TASP1: variants seen among roughly 807,000 people sequenced by gnomAD.
TASP1 encodes the protein threonine aspartase 1.
A neutral mutation model predicts 56.6 loss-of-function variants in TASP1; 16 were observed. That is an observed-to-expected ratio of 0.28 (90% CI 0.19 to 0.43). TASP1 has a LOEUF of 0.43. TASP1 is among the 20% of genes least tolerant of loss of function. The probability of loss-of-function intolerance (pLI) is 1.00; values close to 1 mark genes in which losing one functional copy is unlikely to be tolerated. For synonymous variants in TASP1, 179 were observed against 184.2 expected, an observed-to-expected ratio of 0.97 and a Z score of 0.23; for missense variants, 393 against 511.6, an observed-to-expected ratio of 0.77 and a Z score of 2.24.
chr20:13,371,094 A>C, the TASP1 span, among the ~76,000 whole-genome samples: 1 of 151,976 alleles, frequency 6.6e-6, no homozygotes, highest in Non-Finnish European at 1.5e-5. Flanking sequence ...GTTTGTCAGT[A>C]TTATTGATCT....
chr20:13,305,539 G>A, the TASP1 span, among the ~76,000 whole-genome samples: 5,126 of 152,224 alleles, frequency 0.034, 87 homozygotes, highest in African/African-American at 0.046. Context: ...TGTGTGGGTC[G>A]TCCCATTATG....
At chr20:13,380,501 G>A in the TASP1 span, among the ~76,000 whole-genome samples, 8 of 152,136 alleles carry the variant, frequency 5.3e-5, no homozygotes, top group Non-Finnish European at 1.2e-4. Context: ...TCCTGTATGA[G>A]GTGTCTGTCA....
At position 13,450,091 on chromosome 20, in the gene TASP1, G is replaced by A. The variant is rs535923349; in HGVS notation, c.986-14937C>T. ...TTTTGGTTTCCCAGTGCATATGAAA[G>A]TTATGTTTACACTACTATACTATAA... On this transcript the variant is annotated intron_variant, in intron 11 of 13. Transcript: ENST00000337743. Among the ~76,000 whole-genome samples the A allele has an allele frequency of 2.0e-5, 3 of 152,212 alleles. No homozygotes were observed. The South Asian group carries it at 6.2e-4, about 32-fold the overall frequency.
At chr20:13,346,100 T>C in the TASP1 span, among the ~76,000 whole-genome samples, 8 of 152,040 alleles carry the variant, frequency 5.3e-5, no homozygotes, top group South Asian at 4.1e-4. Flanking sequence ...ACAGTGCTTT[T>C]TGGGGTCATG....
At chr20:13,391,947 G>A (rs1176867934) in intron 13 of TASP1, among the ~76,000 whole-genome samples, 1 of 141,502 alleles carries the variant, frequency 7.1e-6, no homozygotes, top group Non-Finnish European at 1.5e-5. Context: ...GAGCCTGGGC[G>A]ACAGAGCGAG....
chr20:13,204,528 C>CAT, the TASP1 span, among the ~76,000 whole-genome samples: 16,941 of 145,204 alleles, frequency 0.12, 1,284 homozygotes, highest in East Asian at 0.31. Context: ...TTTATATATT[C>CAT]ATATATATAT....
intron 4 of TASP1, among the ~76,000 whole-genome samples, chr20:13,610,369 AG>A (rs2048309079): frequency 6.6e-6 from 1 of 152,226 alleles, no homozygotes; most frequent in South Asian, 2.1e-4. Context: ...AATAGAGGTC[AG>A]GACCAGTGTT....
intron 13 of TASP1, among the ~76,000 whole-genome samples, chr20:13,404,151 G>A (rs1396602664): frequency 6.6e-6 from 1 of 152,060 alleles, no homozygotes; most frequent in Non-Finnish European, 1.5e-5. Context: ...AGTTGGGCCA[G>A]TTATTAAACT....
intron 8 of TASP1, among the ~76,000 whole-genome samples, chr20:13,555,253 G>A (rs959167979): frequency 3.3e-5 from 5 of 151,512 alleles, no homozygotes; most frequent in Non-Finnish European, 7.4e-5. Context: ...GCGTGGTGGC[G>A]GGCGCCTGTA....
rs190775561 is a variant in TASP1 at position 13,476,484 on chromosome 20, C to A, written c.985+6743G>T. Among the ~76,000 whole-genome samples the A allele has an allele frequency of 2.8e-3, 421 of 152,248 alleles. 1 individual carries two copies. Among genetic ancestry groups the A allele is most frequent in the African/African-American group, 9.5e-3 (393 of 41,552 alleles). On this transcript the variant is annotated intron_variant, in intron 11 of 13. Coordinates refer to ENST00000337743, the MANE Select transcript of TASP1 (RefSeq NM_017714.3). ...CCAGGATCTCCATTTCACAAAATTG[C>A]CCAGAATGCAAGTTCCTATATTTCC...
chr20:13,559,026 T>G lies in TASP1; in HGVS notation c.657A>C (p.Arg219Ser). The stretch of plus-strand genomic sequence containing the variant: ...ACCTGACCTTCTCACTTGATTGTCT[T>G]CTTTTCTTTAGTTGCATAAAATCTG... ...VDTDFMQLKK[R>S]RQSSEKENDS... The change falls in exon 8 of 14, where the codon AGA becomes AGC. Residue 219 changes from arginine (R) to serine (S), a missense_variant. Transcript: ENST00000337743. The G allele has an allele frequency of 6.3e-7, 1 of 1,592,208 alleles. No homozygotes were observed. Among genetic ancestry groups the G allele is most frequent in the Non-Finnish European group, 8.6e-7 (1 of 1,169,400 alleles).
the TASP1 span, among the ~76,000 whole-genome samples, chr20:13,130,224 C>T: frequency 2.0e-5 from 3 of 152,300 alleles, no homozygotes; most frequent in East Asian, 5.8e-4. Context: ...TTAGCTCACC[C>T]CTTTCTGCAG....
chr20:13,174,893 G>A, the TASP1 span, among the ~76,000 whole-genome samples: 2 of 152,024 alleles, frequency 1.3e-5, no homozygotes, highest in South Asian at 4.1e-4. Context: ...ATTGAATCAT[G>A]GGGGCAGTAC....
chr20:13,117,921 A>T, the TASP1 span, among the ~76,000 whole-genome samples: 3 of 152,182 alleles, frequency 2.0e-5, no homozygotes, highest in African/African-American at 7.2e-5. Context: ...AGTGAAGAGG[A>T]GCATGTGATG....
At chr20:13,245,437 C>T in the TASP1 span, 1 of 152,316 alleles carries the variant, frequency 6.6e-6, no homozygotes, top group East Asian at 1.9e-4. Flanking sequence ...AGTGACATTC[C>T]ATCATGTTTG....
intron 10 of TASP1, among the ~76,000 whole-genome samples, chr20:13,502,450 T>G (rs1476896714): frequency 6.6e-6 from 1 of 151,968 alleles, no homozygotes; most frequent in Non-Finnish European, 1.5e-5. Context: ...GTAAAAGAAG[T>G]AAAACACAGA....
chr20:13,524,618 T>A (rs2044899967), intron 10 of TASP1, among the ~76,000 whole-genome samples: 1 of 152,194 alleles, frequency 6.6e-6, no homozygotes, highest in African/African-American at 2.4e-5. Flanking sequence ...TGAAACAAAT[T>A]ATTTATTTTC....
chr20:13,576,367 AAGAAAGAAAGAAAG>A (rs1485666283), intron 6 of TASP1, among the ~76,000 whole-genome samples: 31 of 121,926 alleles, frequency 2.5e-4, no homozygotes, highest in Non-Finnish European at 4.9e-4. Flanking sequence ...GAAAGAAAGA[AAGAAAGAAAGAAAG>A]AAAGAAAGAA....
At chr20:13,428,235 C>T (rs1443265363) in intron 12 of TASP1, among the ~76,000 whole-genome samples, 1 of 152,212 alleles carries the variant, frequency 6.6e-6, no homozygotes, top group African/African-American at 2.4e-5. Flanking sequence ...CCCAACAACA[C>T]ATGTTTTGGT....
Sources: gnomAD v4.1 joint callset for allele counts (sites outside exome capture counted in the v4.1 genomes callset) on GRCh38, gnomAD v4.1.1 for gene constraint, MANE v1.5 for transcripts, NCBI Gene and HGNC (gene_info 2026-07-23, HGNC 2026-07-21) for gene names.